Variants in DNAH6 observed in about 807,000 individuals in gnomAD.
DNAH6 encodes axonemal beta dynein heavy chain 6.
DNAH6 carries 340 observed loss-of-function variants against 491.4 expected under a neutral mutation model. The ratio of observed to expected loss-of-function variants is 0.69; its 90% confidence interval spans 0.63 to 0.76. The LOEUF is 0.76. DNAH6 is among the 30% of genes least tolerant of loss of function. The probability of loss-of-function intolerance (pLI) is 0.00; values close to 1 mark genes in which losing one functional copy is unlikely to be tolerated. For missense variants in DNAH6, 4,443 were observed against 4,972.2 expected (o/e 0.89, Z 3.20); for synonymous variants, 1,603 against 1,686.1 (o/e 0.95, Z 1.21).
At chr2:84,726,425 A>G (rs1164587473) in intron 60 of DNAH6, among the ~76,000 whole-genome samples, 1 of 152,194 alleles carries the variant, frequency 6.6e-6, no homozygotes, top group African/African-American at 2.4e-5. Context: ...AAGGCCACAC[A>G]TTCAGGCTCT....
chr2:84,636,223 A>G (rs1259605905), intron 30 of DNAH6, among the ~76,000 whole-genome samples: 3 of 152,354 alleles, frequency 2.0e-5, no homozygotes, highest in East Asian at 3.9e-4. Context: ...CCTGATGCTC[A>G]GGCCCAGCCT....
chr2:84,557,436 G>A (rs1166930470), intron 10 of DNAH6, among the ~76,000 whole-genome samples: 1 of 151,242 alleles, frequency 6.6e-6, no homozygotes, highest in African/African-American at 2.4e-5. Context: ...CATGAGGTCA[G>A]GAGATCGAGA....
intron 37 of DNAH6, among the ~76,000 whole-genome samples, chr2:84,661,573 A>C (rs7566567): frequency 6.6e-6 from 1 of 152,194 alleles, no homozygotes. Flanking sequence ...CCAACTACTT[A>C]GGAATAAAAG....
intron 40 of DNAH6, among the ~76,000 whole-genome samples, chr2:84,676,400 CTGTGA>C (rs1371162752): frequency 1.3e-5 from 2 of 152,164 alleles, no homozygotes; most frequent in African/African-American, 4.8e-5. Flanking sequence ...CACAAAAAGG[CTGTGA>C]TGTGCCTTAC....
chr2:84,583,654 C>G (rs1017108417), intron 14 of DNAH6, among the ~76,000 whole-genome samples: 1 of 152,068 alleles, frequency 6.6e-6, no homozygotes, highest in Non-Finnish European at 1.5e-5. Flanking sequence ...GGGGTGGTTT[C>G]CCCCATACTG....
At chr2:84,757,392 G>A (rs746428847) in intron 63 of DNAH6, among the ~76,000 whole-genome samples, 6 of 152,148 alleles carry the variant, frequency 3.9e-5, no homozygotes, top group East Asian at 1.9e-4. Flanking sequence ...GATCTGATAC[G>A]GACTTTGAAA....
At chr2:84,804,005 G>A (rs1027618145) in intron 70 of DNAH6, among the ~76,000 whole-genome samples, 4 of 151,980 alleles carry the variant, frequency 2.6e-5, no homozygotes, top group South Asian at 4.2e-4. Flanking sequence ...CCAGGAGTTC[G>A]GGACCAGCCT....
intron 64 of DNAH6, among the ~76,000 whole-genome samples, chr2:84,763,424 C>G (rs1399075578): frequency 6.6e-6 from 1 of 151,940 alleles, no homozygotes. Flanking sequence ...TTACAGTAAG[C>G]TGATTTGGTT....
At chr2:84,661,879 T>G (rs1691539797) in intron 37 of DNAH6, among the ~76,000 whole-genome samples, 1 of 152,170 alleles carries the variant, frequency 6.6e-6, no homozygotes, top group Non-Finnish European at 1.5e-5. Context: ...ACTACATGAC[T>G]TGAATAATTC....
At position 84,624,459 on chromosome 2, in the gene DNAH6, A is replaced by C. The variant is rs1236361586; in HGVS notation, c.4198-6A>C. On this transcript the variant is annotated splice_polypyrimidine_tract_variant and splice_region_variant and intron_variant, in intron 27 of 76. Transcript: ENST00000389394. Reference sequence around the variant, plus strand: ...TTAGTGTATCTAATATGTATATCACATATAGGTGGAGACAGTTGAATCTTT... The same window carrying C: ...TTAGTGTATCTAATATGTATATCACCTATAGGTGGAGACAGTTGAATCTTT... The C allele has an allele frequency of 6.4e-7, 1 of 1,551,456 alleles. No homozygotes were observed. The highest frequency in any genetic ancestry group is 8.7e-7 in the Non-Finnish European group (1 of 1,146,876).
At chr2:84,567,005 C>T (rs1244542385) in intron 11 of DNAH6, among the ~76,000 whole-genome samples, 1 of 151,874 alleles carries the variant, frequency 6.6e-6, no homozygotes, top group Non-Finnish European at 1.5e-5. Context: ...TAAAATAAAA[C>T]TGTAAGTAAA....
At chr2:84,653,934 A>G (rs1410858417) in intron 34 of DNAH6, 60 bp downstream of exon 34, 6 of 1,385,310 alleles carry the variant, frequency 4.3e-6, no homozygotes, top group Non-Finnish European at 5.8e-6. Context: ...CTATCGTTAC[A>G]TTTTTTTCTC....
At chr2:84,589,270 C>A (rs980795174) in intron 16 of DNAH6, among the ~76,000 whole-genome samples, 15 of 152,304 alleles carry the variant, frequency 9.8e-5, no homozygotes, top group Middle Eastern at 6.8e-3. Context: ...TAAAACCACA[C>A]TATCCTTTCT....
intron 60 of DNAH6, among the ~76,000 whole-genome samples, chr2:84,724,008 T>G (rs531247643): frequency 6.6e-6 from 1 of 152,332 alleles, no homozygotes; most frequent in African/African-American, 2.4e-5. Flanking sequence ...TGGCCTCTTC[T>G]CAGCCCACCC....
intron 4 of DNAH6, among the ~76,000 whole-genome samples, chr2:84,536,969 A>G (rs182207232): frequency 1.3e-5 from 2 of 152,124 alleles, no homozygotes; most frequent in East Asian, 3.9e-4. Flanking sequence ...TTGTCATATT[A>G]TATAAAGAAA....
chr2:84,496,227 C>T, the DNAH6 span, among the ~76,000 whole-genome samples: 1 of 152,214 alleles, frequency 6.6e-6, no homozygotes, highest in Non-Finnish European at 1.5e-5. Flanking sequence ...CCACCAAGTT[C>T]ATGGTCCCTC....
rs1430965479 is a variant in DNAH6, at chr2:84,785,668, T to C, written c.11012T>C (p.Met3671Thr). The C allele has an allele frequency of 3.2e-6, 5 of 1,548,664 alleles. No individual in the cohort carries two copies. The African/African-American group carries it at 4.1e-5, about 13-fold the overall frequency. The change falls in exon 67 of 77, where the codon ATG (methionine) becomes ACG (threonine). Residue 3671 changes from methionine to threonine, a missense_variant. Physicochemically the swap from Met to Thr is moderately conservative, Grantham distance 81. Around this residue, in one of 3 missense-constraint regions of DNAH6, gnomAD observed 1,463 missense variants for 1,656.6 expected, o/e 0.88. Coordinates refer to ENST00000389394, the MANE Select transcript of DNAH6 (RefSeq NM_001370.2). ...AATATCAGACGAGCATTTACTGAAA[T>C]GACACCTTCGTTTTTTGAAGAAAAT... ...RANIRRAFTE[M>T]TPSFFEENIL...
At chr2:84,550,136 T>C (rs1679186725) in intron 9 of DNAH6, 79 bp downstream of exon 9, 12 of 1,172,130 alleles carry the variant, frequency 1.0e-5, no homozygotes, top group Non-Finnish European at 1.4e-5. Context: ...TGAATTATGC[T>C]ATTTTCTGTG....
chr2:84,478,920 C>G, the DNAH6 span, among the ~76,000 whole-genome samples: 11,739 of 151,868 alleles, frequency 0.077, 1,050 homozygotes, highest in African/African-American at 0.22. Flanking sequence ...AGCTGAAAAG[C>G]AGATGGAGCA....
Sources: allele counts gnomAD v4.1 joint callset (sites outside exome capture counted in the v4.1 genomes callset), GRCh38; gene constraint gnomAD v4.1.1; regional missense constraint gnomAD v4.1.1; transcripts MANE v1.5; gene names NCBI Gene and HGNC (gene_info 2026-07-23, HGNC 2026-07-21).